The following FSHR variants were observed in gnomAD, a reference collection of about 807,000 sequenced individuals.
FSHR encodes the protein follicle stimulating hormone receptor.
A neutral mutation model predicts 52.1 loss-of-function variants in FSHR; 46 were observed. That is an observed-to-expected ratio of 0.88 (90% CI 0.70 to 1.13). The LOEUF (loss-of-function observed/expected upper bound fraction) is 1.13, where lower values mean the gene tolerates loss of function less well. Ranked by LOEUF, FSHR falls within the 50% of genes most tolerant of loss-of-function variation. FSHR has a pLI of 0.00. For synonymous variants in FSHR, 399 were observed against 309.6 expected (o/e 1.29, Z -3.03); for missense variants, 964 against 834.6 (o/e 1.16, Z -1.91).
intron 1 of FSHR, among the ~76,000 whole-genome samples, chr2:49,082,688 C>A (rs187540563): frequency 0.052 from 7,830 of 151,960 alleles, 460 homozygotes; most frequent in East Asian, 0.22. Context: ...TCAAGAACTA[C>A]GTGAAGAATG....
chr2:49,064,656 G>C (rs542934964), intron 2 of FSHR, among the ~76,000 whole-genome samples: 2 of 152,222 alleles, frequency 1.3e-5, no homozygotes, highest in Admixed American at 6.5e-5. Flanking sequence ...GCTGGAGAAA[G>C]AGATGGGTGG....
At chr2:49,015,668 A>G (rs901960058) in intron 4 of FSHR, among the ~76,000 whole-genome samples, 2 of 152,126 alleles carry the variant, frequency 1.3e-5, no homozygotes, top group Admixed American at 1.3e-4. Flanking sequence ...CTCTGCAGAG[A>G]GCATAGCAAA....
rs1386273808 is a variant in FSHR at position 48,987,128 on chromosome 2, T to C, written c.524+1849A>G. Among the ~76,000 whole-genome samples, 4 of 152,294 alleles carry C rather than the reference T, an allele frequency of 2.6e-5. No individual in the cohort carries two copies. The East Asian group carries it at 5.8e-4, about 22-fold the overall frequency. The stretch of plus-strand genomic sequence containing the variant: ...TTTTACTGTTGTGTTTGTTTCACAA[T>C]CCAGCAGGCCAATATGACTCATGTA... On this transcript the variant is annotated intron_variant, in intron 6 of 9. Coordinates refer to ENST00000406846, the MANE Select transcript of FSHR (RefSeq NM_000145.4).
intron 2 of FSHR, among the ~76,000 whole-genome samples, chr2:49,044,303 T>G (rs966172328): frequency 2.0e-5 from 3 of 152,160 alleles, no homozygotes; most frequent in African/African-American, 4.8e-5. Context: ...CCTATTTTGT[T>G]TATTACTGTT....
At chr2:49,111,384 G>A (rs1216179210) in intron 1 of FSHR, among the ~76,000 whole-genome samples, 2 of 152,080 alleles carry the variant, frequency 1.3e-5, no homozygotes, top group Non-Finnish European at 2.9e-5. Flanking sequence ...TTTGGTCTTT[G>A]AATTCAGACC....
intron 1 of FSHR, among the ~76,000 whole-genome samples, chr2:49,132,487 G>T (rs1345322233): frequency 1.3e-5 from 2 of 152,048 alleles, no homozygotes; most frequent in East Asian, 1.9e-4. Context: ...TGTTATGTCT[G>T]CCAAAAAGAA....
chr2:49,086,856 A>G (rs1670412526), intron 1 of FSHR, among the ~76,000 whole-genome samples: 2 of 151,178 alleles, frequency 1.3e-5, no homozygotes, highest in Non-Finnish European at 2.9e-5. Flanking sequence ...CTGGTCTCAA[A>G]CTCCTGATCT....
intron 1 of FSHR, among the ~76,000 whole-genome samples, chr2:49,074,604 T>C (rs1409048005): frequency 6.6e-6 from 1 of 152,110 alleles, no homozygotes; most frequent in Non-Finnish European, 1.5e-5. Flanking sequence ...AAAAACAGTA[T>C]GAAGTTTCAT....
chr2:49,001,402 G>C (rs1666877667), intron 4 of FSHR, among the ~76,000 whole-genome samples: 1 of 152,124 alleles, frequency 6.6e-6, no homozygotes, highest in South Asian at 2.1e-4. Flanking sequence ...CCATCATACT[G>C]CATTGGCTGT....
chr2:49,086,244 G>T (rs1453547112), intron 1 of FSHR, among the ~76,000 whole-genome samples: 1 of 152,140 alleles, frequency 6.6e-6, no homozygotes, highest in East Asian at 1.9e-4. Context: ...CTACATTATA[G>T]AGAAATTTGA....
intron 1 of FSHR, among the ~76,000 whole-genome samples, chr2:49,115,426 G>C (rs1453191412): frequency 6.6e-6 from 1 of 152,042 alleles, no homozygotes; most frequent in Non-Finnish European, 1.5e-5. Flanking sequence ...CGGCCAGTGT[G>C]GTCATGATTT....
chr2:49,068,682 C>T (rs998672456), intron 1 of FSHR, among the ~76,000 whole-genome samples: 1 of 152,080 alleles, frequency 6.6e-6, no homozygotes. Context: ...GCTGACCTTG[C>T]CTTCTATTCC....
chr2:49,023,552 A>G (rs920043035), intron 2 of FSHR, among the ~76,000 whole-genome samples: 1 of 152,200 alleles, frequency 6.6e-6, no homozygotes, highest in Non-Finnish European at 1.5e-5. Context: ...TTACTAATAC[A>G]GAGTATAACA....
In FSHR at chr2:49,127,153, C is replaced by A. The variant is rs1165086897; in HGVS notation, c.152+27113G>T. 2.8e-4 allele frequency among the ~76,000 whole-genome samples: 42 copies of A among 152,036 alleles called. 1 individual carries two copies. The highest frequency in any genetic ancestry group is 2.8e-3 in the Admixed American group (42 of 15,268). On this transcript the variant is annotated intron_variant, in intron 1 of 9. Transcript: ENST00000406846. Reference sequence around the variant, plus strand: ...GACCGGCCTGGCCAACATGGCGAAACCCCGTCTCTACTAAAAATACAAAAA... The same window carrying A: ...GACCGGCCTGGCCAACATGGCGAAAACCCGTCTCTACTAAAAATACAAAAA...
At chr2:49,047,942 A>T (rs962474250) in intron 2 of FSHR, among the ~76,000 whole-genome samples, 2 of 152,194 alleles carry the variant, frequency 1.3e-5, no homozygotes, top group Admixed American at 6.5e-5. Flanking sequence ...GCAATGGCAC[A>T]ATCTCAGCTC....
chr2:48,975,299 AC>A (rs2104030195), intron 8 of FSHR, among the ~76,000 whole-genome samples: 1 of 143,580 alleles, frequency 7.0e-6, no homozygotes, highest in African/African-American at 2.6e-5. Flanking sequence ...TCCCTCCCCC[AC>A]CCCCTTGGAT....
intron 6 of FSHR, among the ~76,000 whole-genome samples, chr2:48,983,984 A>G (rs1367810627): frequency 1.3e-5 from 2 of 152,134 alleles, no homozygotes; most frequent in East Asian, 3.9e-4. Flanking sequence ...AACAGATACC[A>G]AGGTCAGGAG....
intron 1 of FSHR, among the ~76,000 whole-genome samples, chr2:49,142,836 G>A (rs533258889): frequency 1.4e-4 from 21 of 152,290 alleles, no homozygotes; most frequent in African/African-American, 4.8e-4. Context: ...CCCAGCACCT[G>A]TTGATGGATT....
At chr2:49,153,108 T>G (rs1156668923) in intron 1 of FSHR, among the ~76,000 whole-genome samples, 1 of 152,162 alleles carries the variant, frequency 6.6e-6, no homozygotes, top group Admixed American at 6.5e-5. Flanking sequence ...GCAAACAGAA[T>G]CAATCAGGTC....
Sources: gnomAD v4.1 joint callset for allele counts (sites outside exome capture counted in the v4.1 genomes callset) on GRCh38, gnomAD v4.1.1 for gene constraint, MANE v1.5 for transcripts, NCBI Gene and HGNC (gene_info 2026-07-23, HGNC 2026-07-21) for gene names.